The following GADL1 variants were observed in gnomAD, a reference collection of about 807,000 sequenced individuals.
GADL1 encodes acidic amino acid decarboxylase GADL1.
GADL1 carries 71 observed loss-of-function variants against 69.5 expected under a neutral mutation model. That is an observed-to-expected ratio of 1.02 (90% CI 0.84 to 1.25). The LOEUF (loss-of-function observed/expected upper bound fraction) is 1.25. Among genes scored for constraint, GADL1 ranks in the 50% most tolerant of loss-of-function variants. GADL1 has a pLI of 0.00. For synonymous variants in GADL1, 254 were observed against 214.4 expected, an observed-to-expected ratio of 1.18 and a Z score of -1.62; for missense variants, 737 against 631.8, an observed-to-expected ratio of 1.17 and a Z score of -1.79.
intron 3 of GADL1, among the ~76,000 whole-genome samples, chr3:30,856,315 T>C (rs941147651): frequency 6.6e-6 from 1 of 152,088 alleles, no homozygotes; most frequent in African/African-American, 2.4e-5. Flanking sequence ...TATTCTCCCA[T>C]TTTTGAAACT....
At chr3:30,805,945 G>A (rs1697246303) in intron 11 of GADL1, among the ~76,000 whole-genome samples, 1 of 151,870 alleles carries the variant, frequency 6.6e-6, no homozygotes, top group Admixed American at 6.6e-5. Flanking sequence ...AGAATCTAAT[G>A]CCAAGACTGA....
chr3:30,757,374 G>A (rs958202672), intron 14 of GADL1, among the ~76,000 whole-genome samples: 2 of 152,114 alleles, frequency 1.3e-5, no homozygotes, highest in African/African-American at 4.8e-5. Context: ...TAGATCAGAG[G>A]CTAGATCATC....
intron 14 of GADL1, among the ~76,000 whole-genome samples, chr3:30,755,010 GAA>G (rs1201730357): frequency 1.3e-5 from 2 of 152,152 alleles, no homozygotes; most frequent in Non-Finnish European, 2.9e-5. Context: ...CAGCATCTCT[GAA>G]AAGATTTCTG....
At chr3:30,798,963 GCAAGAGGTGGGTTCC>G (rs1473645084) in intron 12 of GADL1, 1 of 152,252 alleles carries the variant, frequency 6.6e-6, no homozygotes, top group Non-Finnish European at 1.5e-5. Flanking sequence ...TCACGCTGAT[GCAAGAGGTGGGTTCC>G]CATAGCCTTT....
At chr3:30,738,190 C>G (rs1430745905) in intron 14 of GADL1, among the ~76,000 whole-genome samples, 1 of 152,188 alleles carries the variant, frequency 6.6e-6, no homozygotes, top group East Asian at 1.9e-4. Flanking sequence ...TGGGAGATCC[C>G]TGTACTGCTC....
chr3:30,835,895 C>T (rs1287545534), intron 9 of GADL1, among the ~76,000 whole-genome samples: 1 of 152,064 alleles, frequency 6.6e-6, no homozygotes, highest in Non-Finnish European at 1.5e-5. Flanking sequence ...CAATGGACCA[C>T]GTGTGACTCA....
intron 1 of GADL1, among the ~76,000 whole-genome samples, chr3:30,874,429 A>G (rs939088940): frequency 2.6e-5 from 4 of 151,954 alleles, no homozygotes; most frequent in African/African-American, 7.2e-5. Context: ...AAACTCACTG[A>G]GAGATGGGTT....
intron 6 of GADL1, among the ~76,000 whole-genome samples, chr3:30,846,105 G>A (rs976492568): frequency 1.1e-4 from 17 of 151,138 alleles, no homozygotes; most frequent in African/African-American, 4.1e-4. Context: ...ACATCTGAAA[G>A]CTTCAGAGAA....
chr3:30,790,764 C>T (rs1420425870), intron 12 of GADL1, among the ~76,000 whole-genome samples: 1 of 152,060 alleles, frequency 6.6e-6, no homozygotes, highest in Admixed American at 6.6e-5. Flanking sequence ...TTTATATGTA[C>T]TATCTAAATG....
At chr3:30,834,003 T>A in intron 10 of GADL1, 69 bp from the exon 11 acceptor site, 3 of 1,073,690 alleles carry the variant, frequency 2.8e-6, no homozygotes, top group Non-Finnish European at 4.3e-6. Flanking sequence ...TGGAATACTA[T>A]CATTATCAAT....
chr3:30,836,206 C>A (rs931493575), intron 9 of GADL1, among the ~76,000 whole-genome samples: 1 of 151,978 alleles, frequency 6.6e-6, no homozygotes, highest in Non-Finnish European at 1.5e-5. Context: ...TCATACCCTA[C>A]ACTTCTACTC....
chr3:30,848,399 T>G (rs1383055712), intron 6 of GADL1, among the ~76,000 whole-genome samples: 1 of 152,136 alleles, frequency 6.6e-6, no homozygotes, highest in South Asian at 2.1e-4. Flanking sequence ...TTTCTCCTAC[T>G]GAGGAGAAAT....
At chr3:30,824,687 A>G (rs1697653152) in intron 11 of GADL1, among the ~76,000 whole-genome samples, 1 of 150,926 alleles carries the variant, frequency 6.6e-6, no homozygotes, top group African/African-American at 2.5e-5. Flanking sequence ...CAAGCACAAG[A>G]AAATACATAC....
At chr3:30,793,325 A>G (rs1696960422) in intron 12 of GADL1, among the ~76,000 whole-genome samples, 1 of 152,142 alleles carries the variant, frequency 6.6e-6, no homozygotes, top group Non-Finnish European at 1.5e-5. Context: ...TCTAGGGATG[A>G]CTTATTCCTC....
At chr3:30,829,731 GT>G (rs1238216234) in intron 11 of GADL1, among the ~76,000 whole-genome samples, 21 of 151,784 alleles carry the variant, frequency 1.4e-4, no homozygotes, top group East Asian at 1.2e-3. Context: ...ATATTAGTGG[GT>G]TTTTTTTCCC....
intron 11 of GADL1, among the ~76,000 whole-genome samples, chr3:30,832,074 A>C (rs184761467): frequency 6.7e-6 from 1 of 149,772 alleles, no homozygotes; most frequent in African/African-American, 2.4e-5. Context: ...GATATGGAAG[A>C]GAGTAACAGA....
chr3:30,839,593 G>A (rs576685158), intron 8 of GADL1, among the ~76,000 whole-genome samples: 125 of 149,536 alleles, frequency 8.4e-4, no homozygotes, highest in Middle Eastern at 7.1e-3. Context: ...TGTAAAGTAA[G>A]TGCAGTTATA....
intron 14 of GADL1, among the ~76,000 whole-genome samples, chr3:30,767,867 A>G (rs968998031): frequency 1.3e-5 from 2 of 152,200 alleles, no homozygotes; most frequent in African/African-American, 4.8e-5. Context: ...ACCCTTATTC[A>G]AATTTATAAG....
Position 30,801,199 on chromosome 3 carries a change from A to C in GADL1, c.1051-111T>G, listed in dbSNP as rs118118266. ...TATATTCTACCTGTGCCAAGTGTAC[A>C]TCTCACTTTGACTGCCTTACATCAG... On this transcript the variant is annotated intron_variant, in intron 11 of 14. Transcript: ENST00000282538. The C allele has an allele frequency of 2.4e-3, 1,840 of 770,944 alleles. 23 individuals carry two copies. The highest frequency in any genetic ancestry group is 0.023 in the East Asian group (855 of 37,500). The allele number at this position is 770,944 out of a possible 1,614,324, so 47.8% of individuals were successfully genotyped here. A position where few individuals can be genotyped will look rare whatever the true frequency, so the allele number is the denominator to read the frequency against.
Sources: allele counts gnomAD v4.1 joint callset (sites outside exome capture counted in the v4.1 genomes callset), GRCh38; gene constraint gnomAD v4.1.1; transcripts MANE v1.5; gene names NCBI Gene and HGNC (gene_info 2026-07-23, HGNC 2026-07-21).